Variants in GRIN3A observed in about 807,000 individuals in gnomAD.
The protein encoded by GRIN3A is glutamate ionotropic receptor NMDA type subunit 3A.
A neutral mutation model predicts 92.4 loss-of-function variants in GRIN3A; 47 were observed. The ratio of observed to expected loss-of-function variants is 0.51; its 90% CI spans 0.40 to 0.65. The LOEUF (loss-of-function observed/expected upper bound fraction) is 0.65, where lower values mean the gene tolerates loss of function less well. GRIN3A is among the 30% of genes least tolerant of loss of function. The pLI is 0.00. For synonymous variants in GRIN3A, 527 were observed against 540.6 expected, an observed-to-expected ratio of 0.97 and a Z score of 0.35; for missense variants, 1,324 against 1,393.1, an observed-to-expected ratio of 0.95 and a Z score of 0.79.
intron 1 of GRIN3A, among the ~76,000 whole-genome samples, chr9:101,701,358 A>T (rs1219019073): frequency 1.3e-5 from 2 of 152,054 alleles, no homozygotes; most frequent in African/African-American, 4.8e-5. Context: ...GTTTATCCTG[A>T]TCTTCTCCCT....
intron 2 of GRIN3A, among the ~76,000 whole-genome samples, chr9:101,671,845 G>A (rs1036600107): frequency 1.8e-4 from 28 of 152,128 alleles, no homozygotes; most frequent in African/African-American, 6.5e-4. Context: ...TCTAGAGAGA[G>A]CTTATGCCAG....
intron 1 of GRIN3A, among the ~76,000 whole-genome samples, chr9:101,735,354 G>A (rs1830187764): frequency 6.6e-6 from 1 of 151,792 alleles, no homozygotes; most frequent in Non-Finnish European, 1.5e-5. Context: ...GTGCTTGACA[G>A]CGTATTTATT....
intron 4 of GRIN3A, 78 bp downstream of exon 4, chr9:101,628,178 T>C: frequency 2.1e-6 from 3 of 1,448,344 alleles, no homozygotes; most frequent in Non-Finnish European, 2.9e-6. Context: ...TTTCAGAAAC[T>C]AACATATACT....
Position 101,613,490 on chromosome 9 carries a change from G to C in GRIN3A, c.2652C>G (p.Thr884=). The C allele has an allele frequency of 6.2e-7, 1 of 1,614,104 alleles. No homozygotes were observed. The highest frequency in any genetic ancestry group is 8.5e-7 in the Non-Finnish European group (1 of 1,179,990). The change falls in exon 6 of 9, where the codon ACC becomes ACG. Residue 884 remains threonine, a synonymous_variant. Coordinates refer to ENST00000361820, the MANE Select transcript of GRIN3A (RefSeq NM_133445.3). ...GACTGATTAGCTCGGATATGTTGGC[G>C]GTCAATGGAGAGTTGGGTGGGAGGC... ...GIGLPPNSPL[T]ANISELISQY...
In GRIN3A at chr9:101,738,159, A is replaced by T; in HGVS notation, c.-180T>A. On this transcript the variant is annotated 5_prime_UTR_variant, in exon 1 of 9. Transcript: ENST00000361820. Reference sequence around the variant, plus strand: ...AGTTGGAGCGTAGCGCGCCTCCGGCAGTCTCAGATCCCGCTCCCAGGTCCC... The same window carrying T: ...AGTTGGAGCGTAGCGCGCCTCCGGCTGTCTCAGATCCCGCTCCCAGGTCCC... 1 of 669,228 alleles carries T rather than the reference A, an allele frequency of 1.5e-6. No homozygotes were observed. Among genetic ancestry groups the T allele is most frequent in the Non-Finnish European group, 2.7e-6 (1 of 371,202 alleles). 41.5% of individuals were successfully genotyped at this position (669,228 alleles called of 1,614,324 possible).
chr9:101,713,727 G>T (rs994471356), intron 1 of GRIN3A, among the ~76,000 whole-genome samples: 5 of 152,088 alleles, frequency 3.3e-5, no homozygotes, highest in African/African-American at 1.2e-4. Flanking sequence ...GGTAAACAGA[G>T]GGTATGGATG....
intron 1 of GRIN3A, among the ~76,000 whole-genome samples, chr9:101,695,349 G>T (rs75959728): frequency 0.1 from 15,248 of 152,090 alleles, 850 homozygotes; most frequent in Middle Eastern, 0.16. Flanking sequence ...TAAAATCTAG[G>T]GGGCAGTATT....
At chr9:101,623,597 G>GA (rs1828587842) in intron 4 of GRIN3A, among the ~76,000 whole-genome samples, 164 bp from the exon 5 acceptor site, 1 of 152,176 alleles carries the variant, frequency 6.6e-6, no homozygotes, top group Non-Finnish European at 1.5e-5. Flanking sequence ...CTGATGTCTA[G>GA]ACTACAGACC....
At chr9:101,634,468 A>T (rs1259777904) in intron 3 of GRIN3A, among the ~76,000 whole-genome samples, 1 of 151,110 alleles carries the variant, frequency 6.6e-6, no homozygotes, top group Non-Finnish European at 1.5e-5. Flanking sequence ...CTAATATTTT[A>T]TAATATTTAT....
intron 4 of GRIN3A, among the ~76,000 whole-genome samples, chr9:101,623,920 T>C (rs552624879): frequency 6.6e-5 from 10 of 152,334 alleles, no homozygotes; most frequent in Middle Eastern, 3.4e-3. Context: ...TAGGTTCAGA[T>C]GAAGGGTGAG....
At chr9:101,580,430 G>T (rs754874033) in intron 6 of GRIN3A, among the ~76,000 whole-genome samples, 1 of 152,188 alleles carries the variant, frequency 6.6e-6, no homozygotes, top group Non-Finnish European at 1.5e-5. Flanking sequence ...GAGATTGAGA[G>T]AGATAGAGAT....
intron 1 of GRIN3A, among the ~76,000 whole-genome samples, chr9:101,698,023 A>T (rs1829704626): frequency 6.6e-6 from 1 of 152,194 alleles, no homozygotes; most frequent in Admixed American, 6.5e-5. Context: ...ATAAGAGAGG[A>T]ATAAAGAACA....
chr9:101,721,926 A>AT (rs932670169), intron 1 of GRIN3A, among the ~76,000 whole-genome samples: 16 of 152,220 alleles, frequency 1.1e-4, no homozygotes, highest in African/African-American at 3.1e-4. Flanking sequence ...AGAAAAATCC[A>AT]TTTTTGGGGA....
rs1042351352 is a variant in GRIN3A, at chr9:101,738,285, C to A, written c.-306G>T. The A allele has an allele frequency of 2.3e-6, 1 of 437,152 alleles. No homozygotes were observed. The highest frequency in any genetic ancestry group is 4.1e-6 in the Non-Finnish European group (1 of 242,020). The allele number at this position is 437,152 out of a possible 1,614,324, so 27.1% of individuals were successfully genotyped here. A position where few individuals can be genotyped will look rare whatever the true frequency, so the allele number is the denominator to read the frequency against. ...GCTGGAGCGCCCGTTCCCTGCCCGC[C>A]CCATCTGCAGGGCGCCTCGGGCACT... On this transcript the variant is annotated 5_prime_UTR_variant, in exon 1 of 9. Transcript: ENST00000361820.
intron 1 of GRIN3A, among the ~76,000 whole-genome samples, chr9:101,721,099 C>T (rs1363607374): frequency 6.6e-6 from 1 of 152,170 alleles, no homozygotes; most frequent in Non-Finnish European, 1.5e-5. Flanking sequence ...TGTGTCTCCA[C>T]CCAAATCTCA....
chr9:101,616,856 C>T (rs1376114395), intron 5 of GRIN3A, among the ~76,000 whole-genome samples: 2 of 122,020 alleles, frequency 1.6e-5, no homozygotes, highest in African/African-American at 6.6e-5. Context: ...CTAACCTGCA[C>T]AATGTGCACA....
intron 1 of GRIN3A, among the ~76,000 whole-genome samples, chr9:101,687,823 G>A (rs995739545): frequency 2.0e-5 from 3 of 152,136 alleles, no homozygotes; most frequent in African/African-American, 7.2e-5. Flanking sequence ...TCTGAACCTG[G>A]ATTCTTGCTG....
intron 3 of GRIN3A, among the ~76,000 whole-genome samples, chr9:101,666,786 G>A (rs1829242860): frequency 6.6e-6 from 1 of 151,992 alleles, no homozygotes; most frequent in Non-Finnish European, 1.5e-5. Context: ...ACTCTTTGTT[G>A]CCTCTCCCAA....
In GRIN3A at chr9:101,573,084, C is replaced by T; in HGVS notation, c.*90G>A. On this transcript the variant is annotated 3_prime_UTR_variant, in exon 9 of 9. Transcript: ENST00000361820. Reference sequence around the variant, plus strand: ...AGACCTAGACCTCAGCTTCCCCACACCTTTGTCGATAGTTACAAAAGAGCA... The same window carrying T: ...AGACCTAGACCTCAGCTTCCCCACATCTTTGTCGATAGTTACAAAAGAGCA... 1 of 1,160,734 alleles carries T rather than the reference C, an allele frequency of 8.6e-7. No homozygotes were observed. The highest frequency in any genetic ancestry group is 1.2e-5 in the South Asian group (1 of 81,080). 71.9% of individuals were successfully genotyped at this position (1,160,734 alleles called of 1,614,324 possible).
Sources: allele counts gnomAD v4.1 joint callset (sites outside exome capture counted in the v4.1 genomes callset), GRCh38; gene constraint gnomAD v4.1.1; transcripts MANE v1.5; gene names NCBI Gene and HGNC (gene_info 2026-07-23, HGNC 2026-07-21).